The following TNKS variants were observed in gnomAD, a reference collection of about 807,000 sequenced individuals.
TNKS encodes poly [ADP-ribose] polymerase tankyrase-1.
In TNKS, 72 loss-of-function variants were observed where a neutral mutation model predicts 135.8. That is an observed-to-expected ratio of 0.53 (90% CI 0.44 to 0.64). TNKS has a LOEUF of 0.64. Ranked by LOEUF, TNKS falls within the 30% of genes least tolerant of loss-of-function variation. The pLI is 0.00. For synonymous variants in TNKS, 849 were observed against 649.3 expected (o/e 1.31, Z -4.68); for missense variants, 1,769 against 1,674.0 (o/e 1.06, Z -0.99).
intron 3 of TNKS, among the ~76,000 whole-genome samples, chr8:9,623,724 G>A (rs1014433647): frequency 1.3e-5 from 2 of 152,104 alleles, no homozygotes; most frequent in Non-Finnish European, 2.9e-5. Context: ...TTTCTGGGCT[G>A]GGTGCTGTGG....
intron 1 of TNKS, chr8:9,575,228 A>G: frequency 2.1e-6 from 1 of 480,562 alleles, no homozygotes; most frequent in Non-Finnish European, 2.7e-6. Flanking sequence ...CTGGGACTAC[A>G]GGCGCCCGCC....
Position 9,613,848 on chromosome 8 carries a change from A to G in TNKS, c.899-1734A>G, listed in dbSNP as rs770753759. 1.1e-3 allele frequency among the ~76,000 whole-genome samples: 167 copies of G among 152,216 alleles called. 2 individuals carry two copies. Among genetic ancestry groups the G allele is most frequent in the Non-Finnish European group, 4.6e-4 (31 of 68,032 alleles). On this transcript the variant is annotated intron_variant, in intron 2 of 26. Coordinates refer to ENST00000310430, the MANE Select transcript of TNKS (RefSeq NM_003747.3). ...ACTTTGGAGAAACAGTCAGACTTTCACTATTTTACTTCTAGCACTCATTAA... is the reference window on the plus strand; with the variant it reads ...ACTTTGGAGAAACAGTCAGACTTTCGCTATTTTACTTCTAGCACTCATTAA...
intron 1 of TNKS, among the ~76,000 whole-genome samples, chr8:9,559,104 A>T (rs1453893142): frequency 2.6e-5 from 4 of 152,206 alleles, no homozygotes; most frequent in Non-Finnish European, 5.9e-5. Flanking sequence ...ATACTGACAC[A>T]ATTGTGTAAT....
chr8:9,692,274 T>A (rs896276114), intron 5 of TNKS, among the ~76,000 whole-genome samples: 2 of 152,164 alleles, frequency 1.3e-5, no homozygotes, highest in African/African-American at 4.8e-5. Context: ...TAGCTCCCTC[T>A]TATAAGTGAG....
At chr8:9,651,421 G>T (rs1585278869) in intron 3 of TNKS, among the ~76,000 whole-genome samples, 1 of 152,294 alleles carries the variant, frequency 6.6e-6, no homozygotes, top group East Asian at 1.9e-4. Context: ...ACATATCTGT[G>T]ATTAACAAAG....
At chr8:9,707,201 C>T (rs1804089487) in intron 8 of TNKS, among the ~76,000 whole-genome samples, 1 of 152,100 alleles carries the variant, frequency 6.6e-6, no homozygotes, top group Non-Finnish European at 1.5e-5. Context: ...TTATTCGAGC[C>T]TAGTTTTAAT....
intron 25 of TNKS, among the ~76,000 whole-genome samples, chr8:9,768,483 C>G (rs1208730434): frequency 3.3e-5 from 5 of 152,210 alleles, no homozygotes; most frequent in Non-Finnish European, 5.9e-5. Flanking sequence ...TAATTGGTAA[C>G]CCTACCATTT....
intron 3 of TNKS, among the ~76,000 whole-genome samples, chr8:9,663,152 G>C (rs974007527): frequency 1.3e-5 from 2 of 152,196 alleles, no homozygotes; most frequent in African/African-American, 4.8e-5. Context: ...TTTTCCCCTA[G>C]AGGCTCCGAA....
chr8:9,746,589 T>C (rs768302081), intron 17 of TNKS, among the ~76,000 whole-genome samples: 10 of 152,224 alleles, frequency 6.6e-5, no homozygotes, highest in Non-Finnish European at 1.3e-4. Flanking sequence ...ATTATCTTTC[T>C]GTATTCCTTT....
At chr8:9,768,918 T>C (rs1807628134) in intron 25 of TNKS, among the ~76,000 whole-genome samples, 1 of 152,228 alleles carries the variant, frequency 6.6e-6, no homozygotes, top group Non-Finnish European at 1.5e-5. Context: ...GCACAAATTT[T>C]AGTTGACTCA....
intron 3 of TNKS, 68 bp from the exon 4 acceptor site, chr8:9,679,883 C>T (rs976500664): frequency 2.0e-5 from 25 of 1,245,276 alleles, no homozygotes; most frequent in East Asian, 1.6e-4. Flanking sequence ...TCTCTATTTG[C>T]TGCCTACTGC....
Position 9,580,304 on chromosome 8 carries a change from T to C in TNKS, c.819T>C (p.Ala273=). The change falls in exon 2 of 27, where the codon GCT becomes GCC. Residue 273 remains alanine (A), a synonymous_variant. Coordinates refer to ENST00000310430, the MANE Select transcript of TNKS (RefSeq NM_003747.3). ...TGAGTCTGTTATTGTGCCAAGGAGC[T>C]GATCCAAATGCCAGGGATAACTGGA... ...EVVSLLLCQG[A]DPNARDNWNY... is the part of the protein sequence containing the mutation. The C allele has an allele frequency of 1.2e-6, 2 of 1,614,190 alleles. No individual in the cohort carries two copies. The highest frequency in any genetic ancestry group is 1.7e-6 in the Non-Finnish European group (2 of 1,180,030).
chr8:9,657,602 C>A (rs1370944618), intron 3 of TNKS, among the ~76,000 whole-genome samples: 38 of 86,770 alleles, frequency 4.4e-4, no homozygotes, highest in African/African-American at 1.7e-3. Context: ...GGGCGGAGGG[C>A]TGACCCCCCT....
At chr8:9,663,098 G>A (rs1379418270) in intron 3 of TNKS, among the ~76,000 whole-genome samples, 2 of 152,232 alleles carry the variant, frequency 1.3e-5, no homozygotes, top group Non-Finnish European at 2.9e-5. Flanking sequence ...ACAAGCCAAG[G>A]AATGTGAGCA....
intron 2 of TNKS, among the ~76,000 whole-genome samples, chr8:9,586,100 G>A (rs527370401): frequency 1.3e-5 from 2 of 152,106 alleles, no homozygotes; most frequent in Non-Finnish European, 2.9e-5. Context: ...TCATTATTTG[G>A]CAACTGCTTT....
intron 3 of TNKS, among the ~76,000 whole-genome samples, chr8:9,653,757 C>T (rs1028737645): frequency 5.3e-5 from 8 of 152,162 alleles, no homozygotes; most frequent in Admixed American, 5.2e-4. Flanking sequence ...CCACATCCAG[C>T]CCATAACAAC....
At chr8:9,579,386 AT>A (rs1563399160) in intron 1 of TNKS, among the ~76,000 whole-genome samples, 1 of 152,148 alleles carries the variant, frequency 6.6e-6, no homozygotes, top group African/African-American at 2.4e-5. Flanking sequence ...ATACCCATAC[AT>A]TCATCCCCAA....
At position 9,706,916 on chromosome 8, in the gene TNKS, G is replaced by T. The variant is rs1385685971; in HGVS notation, c.1375G>T (p.Ala459Ser). Residue 459 changes from alanine to serine, a missense_variant, in exon 8 of 27, where the codon GCT becomes TCT. Transcript: ENST00000310430. ...CTGCTCTTTGTTACTTAGCCATGGC[G>T]CTGATCCTACATTAGTCAACTGCCA... ...EVCSLLLSHG[A>S]DPTLVNCHGK... 1.9e-6 allele frequency: 3 copies of T among 1,613,934 alleles called. No homozygotes were observed. Among genetic ancestry groups the T allele is most frequent in the Admixed American group, 1.7e-5 (1 of 59,986 alleles).
chr8:9,654,201 A>G (rs930494794), intron 3 of TNKS, among the ~76,000 whole-genome samples: 3 of 152,228 alleles, frequency 2.0e-5, no homozygotes, highest in Admixed American at 6.5e-5. Context: ...CAAGATCTCA[A>G]TAGAGGAGAG....
Sources: allele counts gnomAD v4.1 joint callset (sites outside exome capture counted in the v4.1 genomes callset), GRCh38; gene constraint gnomAD v4.1.1; transcripts MANE v1.5; gene names NCBI Gene and HGNC (gene_info 2026-07-23, HGNC 2026-07-21).